The following LARP6 variants were observed in gnomAD, a reference collection of about 807,000 sequenced individuals.
LARP6 encodes the protein La ribonucleoprotein 6, translational regulator.
In LARP6, 18 loss-of-function variants were observed where a neutral mutation model predicts 32.8. That is an observed-to-expected ratio of 0.55 (90% CI 0.38 to 0.81). LARP6 has a LOEUF of 0.81. LARP6 is among the 40% of genes least tolerant of loss of function. LARP6 has a pLI of 0.00. For missense variants in LARP6, 598 were observed against 663.1 expected, an observed-to-expected ratio of 0.90 and a Z score of 1.08; for synonymous variants, 289 against 267.2, an observed-to-expected ratio of 1.08 and a Z score of -0.80.
chr15:70,846,626 ATAC>A, intron 1 of LARP6, among the ~76,000 whole-genome samples: 1 of 151,518 alleles, frequency 6.6e-6, no homozygotes, highest in Non-Finnish European at 1.5e-5. Context: ...AAATAAATAC[ATAC>A]ATACATACAT....
chr15:70,832,334 C>T lies in LARP6; in HGVS notation c.1194G>A (p.Leu398=). 1 of 1,614,194 alleles carries T rather than the reference C, an allele frequency of 6.2e-7. No homozygotes were observed. Among genetic ancestry groups the T allele is most frequent in the Non-Finnish European group, 8.5e-7 (1 of 1,180,028 alleles). ...TGCAGTTCAGTCTACCTTCCTCCGC[C>T]AGTGGGGACTTTCTGGAAACGCCTT... The part of the protein sequence containing the change: ...QRKGVSRKSP[L]AEEGRLNCST... The change falls in exon 3 of 3, where the codon CTG becomes CTA. Residue 398 remains leucine (L), a synonymous_variant. Transcript: ENST00000299213.
chr15:70,832,049 T>TA lies in LARP6; in HGVS notation c.*2dup. 1 of 1,498,988 alleles carries TA rather than the reference T, an allele frequency of 6.7e-7. No individual in the cohort carries two copies. Among genetic ancestry groups the TA allele is most frequent in the Non-Finnish European group, 8.9e-7 (1 of 1,122,408 alleles). The allele number at this position is 1,498,988 out of a possible 1,614,324, so 92.9% of individuals were successfully genotyped here. A position where few individuals can be genotyped will look rare whatever the true frequency, so the allele number is the denominator to read the frequency against. On this transcript the variant is annotated 3_prime_UTR_variant, in exon 3 of 3. Transcript: ENST00000299213. The stretch of plus-strand genomic sequence containing the variant: ...TGGAGCTTGTATTAAAAATAGAAGG[T>TA]ATTTATACACAGGCCCTGCTCCTCT...
In LARP6 at chr15:70,851,731, G is replaced by C. The variant is rs760264523; in HGVS notation, c.200+2158C>G. The C allele has an allele frequency of 3.7e-6, 6 of 1,614,074 alleles. 1 individual carries two copies. The South Asian group carries it at 6.6e-5, about 18-fold the overall frequency. The stretch of plus-strand genomic sequence containing the variant: ...ACCGAGCTCCTATTCCTGTGAGGGA[G>C]ACACAATGATAGAATCACAATTGTG... On this transcript the variant is annotated intron_variant, in intron 1 of 2. Coordinates refer to ENST00000299213, the MANE Select transcript of LARP6 (RefSeq NM_018357.4).
At chr15:70,845,521 A>T (rs916693769) in intron 1 of LARP6, among the ~76,000 whole-genome samples, 7 of 152,182 alleles carry the variant, frequency 4.6e-5, no homozygotes, top group African/African-American at 1.7e-4. Context: ...AACATGAATG[A>T]TCACTGTGGA....
chr15:70,833,087 G>C lies in LARP6; in HGVS notation c.441C>G (p.Thr147=). ...CTGAATACTTCAAAGCATGTGCTGT[G>C]GTTCTCCAGTCCCGTGTAAGATGTT... ...KVKHLTRDWR[T]TAHALKYSVV... The change falls in exon 3 of 3, where the codon ACC becomes ACG. Residue 147 remains threonine (T), a synonymous_variant. Coordinates refer to ENST00000299213, the MANE Select transcript of LARP6 (RefSeq NM_018357.4). 1 of 1,614,058 alleles carries C rather than the reference G, an allele frequency of 6.2e-7. No individual in the cohort carries two copies. Among genetic ancestry groups the C allele is most frequent in the Non-Finnish European group, 8.5e-7 (1 of 1,179,992 alleles).
At chr15:70,834,360 T>C (rs1857592424) in intron 2 of LARP6, among the ~76,000 whole-genome samples, 1 of 151,774 alleles carries the variant, frequency 6.6e-6, no homozygotes, top group Non-Finnish European at 1.5e-5. Context: ...AGGCAAAGGG[T>C]CGGATTTCAG....
chr15:70,845,735 G>A (rs1220165649), intron 1 of LARP6, among the ~76,000 whole-genome samples: 1 of 152,244 alleles, frequency 6.6e-6, no homozygotes, highest in Admixed American at 6.5e-5. Flanking sequence ...TGGGTTGTAT[G>A]GGTTCCCTCT....
rs2032002256 is a variant in LARP6 at position 70,829,497 on chromosome 15, T to C, written c.*2555A>G. 1.3e-5 allele frequency: 2 copies of C among 152,258 alleles called. No individual in the cohort carries two copies. The highest frequency in any genetic ancestry group is 4.8e-5 in the African/African-American group (2 of 41,454). 9.4% of individuals were successfully genotyped at this position (152,258 alleles called of 1,614,324 possible). On this transcript the variant is annotated 3_prime_UTR_variant, in exon 3 of 3. Transcript: ENST00000299213. ...TCTAATGTGAGGCCAGGGTTAAGAA[T>C]TGCAGCAAAAGGAGGCTTGCCTTTG...
chr15:70,843,649 CTTTTTTTTT>C (rs67996815), intron 1 of LARP6, among the ~76,000 whole-genome samples: 4 of 80,590 alleles, frequency 5.0e-5, no homozygotes, highest in African/African-American at 1.8e-4. Context: ...GTTTTGGTGT[CTTTTTTTTT>C]TTTTTTTTTT....
At chr15:70,840,742 A>G (rs1322730267) in intron 1 of LARP6, among the ~76,000 whole-genome samples, 1 of 152,120 alleles carries the variant, frequency 6.6e-6, no homozygotes, top group African/African-American at 2.4e-5. Context: ...TACTACAAAT[A>G]GCTAGTATCT....
chr15:70,839,175 C>T (rs1440061882), intron 1 of LARP6, among the ~76,000 whole-genome samples: 1 of 152,120 alleles, frequency 6.6e-6, no homozygotes, highest in East Asian at 1.9e-4. Flanking sequence ...CACGGTGGCT[C>T]ACACCTATAA....
chr15:70,838,552 A>G (rs764479367), intron 1 of LARP6, among the ~76,000 whole-genome samples: 1 of 152,168 alleles, frequency 6.6e-6, no homozygotes, highest in Non-Finnish European at 1.5e-5. Flanking sequence ...AAAGCCCACT[A>G]TCACCAGCAG....
chr15:70,848,655 C>G (rs561807447), intron 1 of LARP6, among the ~76,000 whole-genome samples: 121 of 152,158 alleles, frequency 8.0e-4, no homozygotes, highest in African/African-American at 2.8e-3. Flanking sequence ...TCACTTGAAC[C>G]TGGGAGGCGG....
At chr15:70,835,186 C>T (rs2032124978) in intron 2 of LARP6, among the ~76,000 whole-genome samples, 1 of 152,224 alleles carries the variant, frequency 6.6e-6, no homozygotes, top group Non-Finnish European at 1.5e-5. Flanking sequence ...AAAACTCCTA[C>T]TCATCCTCCA....
intron 1 of LARP6, among the ~76,000 whole-genome samples, chr15:70,850,575 C>T (rs2032430587): frequency 6.6e-6 from 1 of 152,154 alleles, no homozygotes; most frequent in African/African-American, 2.4e-5. Context: ...ATCAACAGAA[C>T]CCAGGATGAG....
At chr15:70,849,832 C>T (rs1010264857) in intron 1 of LARP6, 3 of 152,116 alleles carry the variant, frequency 2.0e-5, no homozygotes, top group African/African-American at 7.2e-5. Context: ...ATCAAATTAT[C>T]TCTTTGAAAA....
chr15:70,836,430 C>G lies in LARP6; in HGVS notation c.276G>C (p.Leu92Phe), dbSNP rs761599831. ...CGATCTGATCCACCAGTTTCTTGAT[C>G]AACTCCTCATCCGGGGGCTTCCACT... ...EQEWKPPDEE[L>F]IKKLVDQIEF... is the part of the protein sequence containing the mutation. The change falls in exon 2 of 3, where the codon TTG becomes TTC. Residue 92 changes from leucine (L) to phenylalanine (F), a missense_variant. Transcript: ENST00000299213. The G allele has an allele frequency of 6.2e-7, 1 of 1,614,180 alleles. No homozygotes were observed. Among genetic ancestry groups the G allele is most frequent in the Admixed American group, 1.7e-5 (1 of 60,016 alleles).
intron 1 of LARP6, among the ~76,000 whole-genome samples, chr15:70,846,435 C>G (rs1236609208): frequency 1.3e-5 from 2 of 151,994 alleles, no homozygotes; most frequent in African/African-American, 4.8e-5. Flanking sequence ...GTAGCAAGAC[C>G]CTGTCTCTAC....
intron 1 of LARP6, among the ~76,000 whole-genome samples, chr15:70,846,621 A>AATACATACATACATAC (rs71152317): frequency 0.058 from 8,573 of 148,800 alleles, 320 homozygotes; most frequent in Admixed American, 0.1. Flanking sequence ...AAAATAAATA[A>AATACATACATACATAC]ATACATACAT....
Sources: gnomAD v4.1 joint callset for allele counts (sites outside exome capture counted in the v4.1 genomes callset) on GRCh38, gnomAD v4.1.1 for gene constraint, MANE v1.5 for transcripts, NCBI Gene and HGNC (gene_info 2026-07-23, HGNC 2026-07-21) for gene names.